CCSER1: variants seen among roughly 807,000 people sequenced by gnomAD.
CCSER1 encodes the protein coiled-coil serine rich protein 1, also known as serine-rich coiled-coil domain-containing protein 1.
A neutral mutation model predicts 82.0 loss-of-function variants in CCSER1; 41 were observed. The ratio of observed to expected loss-of-function variants is 0.50; its 90% CI spans 0.39 to 0.65. The LOEUF is 0.65. Ranked by LOEUF, CCSER1 falls within the 30% of genes least tolerant of loss-of-function variation. The pLI, the probability that CCSER1 is intolerant of heterozygous loss-of-function variation, is 0.00. For missense variants in CCSER1, 1,119 were observed against 1,064.2 expected (o/e 1.05, Z -0.72); for synonymous variants, 414 against 383.9 (o/e 1.08, Z -0.92).
At chr4:90,627,769 A>C (rs1436141681) in intron 5 of CCSER1, among the ~76,000 whole-genome samples, 1 of 152,116 alleles carries the variant, frequency 6.6e-6, no homozygotes. Context: ...TCACGAGGTC[A>C]GGAGATTGAG....
chr4:91,439,463 A>T (rs988911752), intron 10 of CCSER1, among the ~76,000 whole-genome samples: 1 of 152,158 alleles, frequency 6.6e-6, no homozygotes, highest in Admixed American at 6.5e-5. Flanking sequence ...GCCTGCCCTA[A>T]AAGAGCTCCT....
At chr4:91,173,586 T>G (rs1181522798) in intron 10 of CCSER1, among the ~76,000 whole-genome samples, 1 of 95,752 alleles carries the variant, frequency 1.0e-5, no homozygotes, top group African/African-American at 4.5e-5. Flanking sequence ...AGAGTGAGAC[T>G]CCGTCTCAAA....
At chr4:91,041,977 G>C (rs1741997662) in intron 9 of CCSER1, among the ~76,000 whole-genome samples, 1 of 152,112 alleles carries the variant, frequency 6.6e-6, no homozygotes, top group African/African-American at 2.4e-5. Context: ...ACTATCCATG[G>C]TCTTCCTTTT....
At chr4:90,336,556 A>G (rs1740434773) in intron 3 of CCSER1, among the ~76,000 whole-genome samples, 1 of 152,218 alleles carries the variant, frequency 6.6e-6, no homozygotes, top group Non-Finnish European at 1.5e-5. Context: ...GCTGTTAAAG[A>G]CTTCAAAAAC....
chr4:90,560,611 G>A (rs192137157), intron 5 of CCSER1, among the ~76,000 whole-genome samples: 1 of 151,818 alleles, frequency 6.6e-6, no homozygotes, highest in African/African-American at 2.4e-5. Context: ...CACTTTGTTG[G>A]GATTTTAATC....
intron 6 of CCSER1, among the ~76,000 whole-genome samples, chr4:90,710,843 CTG>C (rs989375932): frequency 3.3e-5 from 5 of 151,790 alleles, no homozygotes; most frequent in African/African-American, 7.2e-5. Context: ...GAATTATAAA[CTG>C]TTTTTTTCTT....
In CCSER1 at chr4:91,588,414, G is replaced by C. The variant is rs190799671; in HGVS notation, c.2218-10158G>C. The stretch of plus-strand genomic sequence containing the variant: ...TCAACTCTTTATACAGCAAAAGAAT[G>C]TATTTTTGAAATTCTATGCTTCTTT... On this transcript the variant is annotated intron_variant, in intron 10 of 10. Coordinates refer to ENST00000509176, the MANE Select transcript of CCSER1 (RefSeq NM_001145065.2). Among the ~76,000 whole-genome samples, 130 of 151,624 alleles carry C rather than the reference G, an allele frequency of 8.6e-4. 1 individual carries two copies. The highest frequency in any genetic ancestry group is 8.1e-3 in the Admixed American group (123 of 15,146).
At chr4:91,457,397 T>C (rs1039723154) in intron 10 of CCSER1, among the ~76,000 whole-genome samples, 2 of 152,258 alleles carry the variant, frequency 1.3e-5, no homozygotes, top group Non-Finnish European at 2.9e-5. Flanking sequence ...CTAGGTTTGG[T>C]GGCTCATGCC....
At chr4:91,115,806 C>CTTTTTTT (rs527629667) in intron 10 of CCSER1, among the ~76,000 whole-genome samples, 19 of 101,528 alleles carry the variant, frequency 1.9e-4, no homozygotes, top group African/African-American at 3.8e-4. Context: ...CTAGCTTTTT[C>CTTTTTTT]TTTTTTTTTT....
chr4:90,318,542 C>A (rs1736566172), intron 3 of CCSER1, among the ~76,000 whole-genome samples: 1 of 152,168 alleles, frequency 6.6e-6, no homozygotes, highest in Admixed American at 6.5e-5. Context: ...GGTAGAAGAA[C>A]AAATCCGATT....
chr4:91,140,664 C>G (rs1314947542), intron 10 of CCSER1, among the ~76,000 whole-genome samples: 2 of 152,026 alleles, frequency 1.3e-5, no homozygotes, highest in African/African-American at 2.4e-5. Context: ...ATGATTTTTG[C>G]AATAAAAATT....
At chr4:90,709,756 T>C (rs1168232322) in intron 6 of CCSER1, among the ~76,000 whole-genome samples, 1 of 152,190 alleles carries the variant, frequency 6.6e-6, no homozygotes, top group East Asian at 1.9e-4. Context: ...TGCATGCATG[T>C]ATCTTTATAA....
At chr4:90,876,079 C>A (rs892327097) in intron 8 of CCSER1, among the ~76,000 whole-genome samples, 13 of 152,070 alleles carry the variant, frequency 8.5e-5, no homozygotes, top group African/African-American at 3.1e-4. Flanking sequence ...TTCATTAAAT[C>A]TGCAAAGGAA....
chr4:90,273,640 A>G (rs569397673), intron 1 of CCSER1, among the ~76,000 whole-genome samples: 12 of 152,308 alleles, frequency 7.9e-5, no homozygotes, highest in Admixed American at 2.0e-4. Context: ...CACTTACTGT[A>G]TGGCAGTATG....
At chr4:90,157,905 C>T (rs1013935491) in intron 1 of CCSER1, among the ~76,000 whole-genome samples, 4 of 152,166 alleles carry the variant, frequency 2.6e-5, no homozygotes, top group South Asian at 2.1e-4. Flanking sequence ...AGCTTTGTTC[C>T]GTTGCTGGTG....
chr4:91,391,747 G>T (rs1751665030), intron 10 of CCSER1, among the ~76,000 whole-genome samples: 1 of 152,104 alleles, frequency 6.6e-6, no homozygotes, highest in Non-Finnish European at 1.5e-5. Context: ...GTTAAGTTGT[G>T]TTTGGTGGCC....
At chr4:90,400,857 A>C (rs1752763560) in intron 4 of CCSER1, among the ~76,000 whole-genome samples, 1 of 152,186 alleles carries the variant, frequency 6.6e-6, no homozygotes, top group South Asian at 2.1e-4. Flanking sequence ...TTTGTTGCTA[A>C]TAATGTCTTT....
chr4:91,533,709 G>A (rs1761149897), intron 10 of CCSER1, among the ~76,000 whole-genome samples: 1 of 151,644 alleles, frequency 6.6e-6, no homozygotes, highest in African/African-American at 2.4e-5. Context: ...AGTTCTGTGT[G>A]TATATCAGGA....
intron 10 of CCSER1, among the ~76,000 whole-genome samples, chr4:91,148,516 G>A (rs1729774977): frequency 6.6e-6 from 1 of 151,784 alleles, no homozygotes; most frequent in Non-Finnish European, 1.5e-5. Context: ...TTAAGTTCCA[G>A]GGTTCATGTG....
Sources: allele counts gnomAD v4.1 joint callset (sites outside exome capture counted in the v4.1 genomes callset), GRCh38; gene constraint gnomAD v4.1.1; transcripts MANE v1.5; gene names NCBI Gene and HGNC (gene_info 2026-07-23, HGNC 2026-07-21).